NEK11: variants seen among roughly 807,000 people sequenced by gnomAD.
The protein encoded by NEK11 is serine/threonine-protein kinase Nek11.
Under a neutral mutation model 80.7 loss-of-function variants are expected in NEK11, and 72 were observed. That is an observed-to-expected ratio of 0.89 (90% CI 0.74 to 1.08). The LOEUF is 1.08. NEK11 is among the 50% of genes least tolerant of loss of function. The pLI is 0.00. For synonymous variants in NEK11, 251 were observed against 260.7 expected (o/e 0.96, Z 0.36); for missense variants, 764 against 763.6 (o/e 1.00, Z -0.01).
chr3:131,279,351 A>C (rs2108788772), intron 17 of NEK11, among the ~76,000 whole-genome samples: 2 of 152,318 alleles, frequency 1.3e-5, no homozygotes, highest in South Asian at 4.1e-4. Flanking sequence ...TCGGTCTCAA[A>C]AAATAAAATA....
At chr3:131,175,088 C>G (rs954372657) in intron 14 of NEK11, 6 of 1,115,562 alleles carry the variant, frequency 5.4e-6, no homozygotes, top group Non-Finnish European at 6.6e-6. Flanking sequence ...ATCACCTCTT[C>G]TTTTTAAATG....
At chr3:131,246,777 T>C (rs1361901444) in intron 16 of NEK11, among the ~76,000 whole-genome samples, 1 of 152,136 alleles carries the variant, frequency 6.6e-6, no homozygotes, top group African/African-American at 2.4e-5. Flanking sequence ...CAATATCTAT[T>C]ATTTTCTGAT....
chr3:131,229,290 A>G (rs2095282724), intron 15 of NEK11, among the ~76,000 whole-genome samples: 1 of 152,118 alleles, frequency 6.6e-6, no homozygotes, highest in Admixed American at 6.6e-5. Context: ...TATGGGCCAT[A>G]GGTCAAGAAA....
intron 14 of NEK11, among the ~76,000 whole-genome samples, chr3:131,191,086 A>G (rs1334217331): frequency 6.6e-6 from 1 of 152,188 alleles, no homozygotes; most frequent in Admixed American, 6.6e-5. Context: ...GTGGTAAAGG[A>G]ACAATTATCT....
chr3:131,349,645 G>T lies in NEK11; in HGVS notation c.1807G>T (p.Glu603Ter), dbSNP rs140471991. 497 of 1,614,064 alleles carry T rather than the reference G, an allele frequency of 3.1e-4. 2 individuals are homozygous for T. The highest frequency in any genetic ancestry group is 3.5e-4 in the Non-Finnish European group (413 of 1,180,028). The change falls in exon 18 of 18, where the codon GAG becomes TAG. Residue 603 changes from glutamate to a stop codon, truncating the protein, a stop_gained. Coordinates refer to ENST00000383366, the MANE Select transcript of NEK11 (RefSeq NM_024800.5). LOFTEE classifies it low-confidence loss of function (END_TRUNC). ...RARHQNASEA[E>*]IRECLEKVVP... ...AAGGCATCAGAATGCTAGCGAAGCA[G>T]AGATCCGCGAGTGTTTGGAAAAAGT...
chr3:131,236,597 G>A (rs1299333597), intron 15 of NEK11, among the ~76,000 whole-genome samples: 1 of 152,168 alleles, frequency 6.6e-6, no homozygotes, highest in African/African-American at 2.4e-5. Flanking sequence ...TGACAGTCAC[G>A]TTTCAGCAAT....
At chr3:131,124,753 C>T (rs1348830763) in intron 5 of NEK11, among the ~76,000 whole-genome samples, 1 of 152,048 alleles carries the variant, frequency 6.6e-6, no homozygotes, top group East Asian at 1.9e-4. Flanking sequence ...CAGCATAGGT[C>T]TAGGTATCGT....
At chr3:131,168,806 C>T in intron 12 of NEK11, 24 bp from the exon 13 acceptor site, 2 of 1,574,546 alleles carry the variant, frequency 1.3e-6, no homozygotes, top group Non-Finnish European at 1.7e-6. Context: ...CACTGCTGAA[C>T]AGACTTTGTC....
chr3:131,267,440 G>A (rs1196891113), intron 16 of NEK11, among the ~76,000 whole-genome samples: 7 of 152,142 alleles, frequency 4.6e-5, no homozygotes, highest in African/African-American at 1.4e-4. Flanking sequence ...TTTCTCCCTC[G>A]CTTATGAAGC....
chr3:131,208,189 G>C (rs1307753279), intron 14 of NEK11, among the ~76,000 whole-genome samples: 1 of 152,168 alleles, frequency 6.6e-6, no homozygotes, highest in Non-Finnish European at 1.5e-5. Context: ...CATATGGCTA[G>C]CCAGTTTTCC....
chr3:131,103,596 C>T (rs1452467451), intron 4 of NEK11, among the ~76,000 whole-genome samples: 1 of 152,144 alleles, frequency 6.6e-6, no homozygotes, highest in Non-Finnish European at 1.5e-5. Flanking sequence ...CCCTTCACTG[C>T]ATTTACTCCT....
chr3:131,318,093 T>C (rs938474329), intron 17 of NEK11, among the ~76,000 whole-genome samples: 16 of 151,030 alleles, frequency 1.1e-4, no homozygotes, highest in Admixed American at 6.6e-5. Context: ...TAAGGTAGAA[T>C]GATGGGAAAG....
chr3:131,257,062 G>A (rs1007515276), intron 16 of NEK11, among the ~76,000 whole-genome samples: 2 of 151,882 alleles, frequency 1.3e-5, no homozygotes, highest in African/African-American at 4.8e-5. Context: ...ATGGCTCACT[G>A]CAGCCTTGAC....
chr3:131,080,662 C>T (rs1166498178), intron 4 of NEK11, 74 bp downstream of exon 4: 1 of 1,283,646 alleles, frequency 7.8e-7, no homozygotes, highest in Non-Finnish European at 1.1e-6. Flanking sequence ...GTAAAGAGAT[C>T]TTAAAAGTCC....
intron 4 of NEK11, among the ~76,000 whole-genome samples, chr3:131,081,038 A>C (rs1009445661): frequency 6.6e-6 from 1 of 152,184 alleles, no homozygotes; most frequent in South Asian, 2.1e-4. Flanking sequence ...TGAGCCTAGC[A>C]GTTCAAGGCT....
intron 13 of NEK11, 93 bp downstream of exon 13, chr3:131,169,030 T>G: frequency 1.1e-6 from 1 of 877,492 alleles, no homozygotes; most frequent in Non-Finnish European, 1.8e-6. Flanking sequence ...CCGAACACTT[T>G]GCAGAGGAGC....
intron 10 of NEK11, 49 bp from the exon 11 acceptor site, chr3:131,162,359 T>A (rs2149947482): frequency 6.3e-7 from 1 of 1,583,914 alleles, no homozygotes; most frequent in East Asian, 2.2e-5. Context: ...TTAATTTTTC[T>A]GAACATGTTT....
Position 131,306,679 on chromosome 3 carries a change from C to T in NEK11, c.1718+33105C>T, listed in dbSNP as rs76814948. ...GCAAGGCTTGCTAAGAAGAACAGAG[C>T]GCACTGACATAGTTCAAAATGGTTC... On this transcript the variant is annotated intron_variant, in intron 17 of 17. Coordinates refer to ENST00000383366, the MANE Select transcript of NEK11 (RefSeq NM_024800.5). Among the ~76,000 whole-genome samples, 1,392 of 152,278 alleles carry T rather than the reference C, an allele frequency of 9.1e-3. 22 individuals carry two copies. Among genetic ancestry groups the T allele is most frequent in the African/African-American group, 0.031 (1,283 of 41,542 alleles).
chr3:131,240,485 C>G (rs902898480), intron 15 of NEK11, among the ~76,000 whole-genome samples: 4 of 152,142 alleles, frequency 2.6e-5, no homozygotes, highest in African/African-American at 9.7e-5. Context: ...GGCTTCATCT[C>G]TCTTCCTTGT....
Sources: allele counts gnomAD v4.1 joint callset (sites outside exome capture counted in the v4.1 genomes callset), GRCh38; gene constraint gnomAD v4.1.1; transcripts MANE v1.5; gene names NCBI Gene and HGNC (gene_info 2026-07-23, HGNC 2026-07-21).